Variants in APBB2 observed in about 807,000 individuals in gnomAD.
APBB2 encodes the protein amyloid beta precursor protein binding family B member 2.
Under a neutral mutation model 82.5 loss-of-function variants are expected in APBB2, and 38 were observed. That is an observed-to-expected ratio of 0.46 (90% CI 0.36 to 0.60). The LOEUF (loss-of-function observed/expected upper bound fraction) is 0.60. APBB2 is among the 20% of genes least tolerant of loss of function. The pLI, the probability that APBB2 is intolerant of heterozygous loss-of-function variation, is 0.00. For missense variants in APBB2, 772 were observed against 972.3 expected (o/e 0.79, Z 2.74); for synonymous variants, 341 against 368.2 (o/e 0.93, Z 0.85).
chr4:41,166,991 T>C (rs1766845535), intron 1 of APBB2, among the ~76,000 whole-genome samples: 1 of 152,248 alleles, frequency 6.6e-6, no homozygotes, highest in African/African-American at 2.4e-5. Flanking sequence ...CCCACACTTC[T>C]GTCTTGGCTA....
intron 6 of APBB2, among the ~76,000 whole-genome samples, chr4:40,969,452 G>A (rs1276358827): frequency 6.6e-6 from 1 of 152,158 alleles, no homozygotes; most frequent in Admixed American, 6.5e-5. Context: ...AAATCCATAT[G>A]TTTTCAGATT....
At chr4:40,926,773 C>T (rs571384506) in intron 10 of APBB2, among the ~76,000 whole-genome samples, 1 of 152,324 alleles carries the variant, frequency 6.6e-6, no homozygotes, top group South Asian at 2.1e-4. Flanking sequence ...ACTTTCCTGG[C>T]CTTTGGAATC....
intron 3 of APBB2, among the ~76,000 whole-genome samples, chr4:41,080,037 T>A (rs1166378322): frequency 6.6e-6 from 1 of 152,160 alleles, no homozygotes; most frequent in East Asian, 1.9e-4. Flanking sequence ...GAGTAGTGGG[T>A]GAGGAAGAAC....
At chr4:41,151,633 A>C (rs62409967) in intron 1 of APBB2, among the ~76,000 whole-genome samples, 2 of 151,660 alleles carry the variant, frequency 1.3e-5, no homozygotes, top group Non-Finnish European at 2.9e-5. Context: ...GCTTTTTTTG[A>C]CATACAATCA....
chr4:40,932,925 G>A (rs13150406), intron 10 of APBB2, among the ~76,000 whole-genome samples: 38,725 of 152,118 alleles, frequency 0.25, 5,836 homozygotes, highest in East Asian at 0.52. Context: ...GTGCAGTGGC[G>A]CGATCTCAGC....
chr4:40,982,984 A>G (rs1023387852), intron 6 of APBB2, among the ~76,000 whole-genome samples: 1 of 152,148 alleles, frequency 6.6e-6, no homozygotes, highest in Admixed American at 6.6e-5. Context: ...TGCAGGGTGA[A>G]GGTGGATAAG....
At chr4:40,870,334 G>A (rs1765138794) in intron 12 of APBB2, among the ~76,000 whole-genome samples, 1 of 152,074 alleles carries the variant, frequency 6.6e-6, no homozygotes, top group African/African-American at 2.4e-5. Context: ...TGCTCACCAG[G>A]GGACAGGGAC....
intron 4 of APBB2, among the ~76,000 whole-genome samples, chr4:41,034,197 A>G (rs1718207798): frequency 2.0e-5 from 3 of 152,152 alleles, no homozygotes; most frequent in African/African-American, 7.2e-5. Context: ...TCAAAAGACC[A>G]GTAACCACCT....
chr4:40,942,048 G>C (rs895369682), intron 7 of APBB2, among the ~76,000 whole-genome samples: 1 of 152,164 alleles, frequency 6.6e-6, no homozygotes, highest in Non-Finnish European at 1.5e-5. Context: ...GCACATCAGC[G>C]TATGTGGCAG....
chr4:41,102,686 G>A (rs1214252338), intron 2 of APBB2, among the ~76,000 whole-genome samples: 3 of 152,094 alleles, frequency 2.0e-5, no homozygotes, highest in Non-Finnish European at 4.4e-5. Flanking sequence ...CTGGTATCCC[G>A]ACTCCATCTG....
At chr4:41,029,675 C>T (rs1478275887) in intron 5 of APBB2, among the ~76,000 whole-genome samples, 3 of 151,586 alleles carry the variant, frequency 2.0e-5, no homozygotes, top group African/African-American at 7.3e-5. Flanking sequence ...ATGTTGTACA[C>T]AATAAACATA....
chr4:41,038,882 T>C (rs1720288861), intron 4 of APBB2, among the ~76,000 whole-genome samples: 1 of 152,214 alleles, frequency 6.6e-6, no homozygotes. Flanking sequence ...TAAACAGGTA[T>C]CAGATGCTCA....
intron 1 of APBB2, among the ~76,000 whole-genome samples, chr4:41,156,895 C>A (rs192851701): frequency 6.6e-6 from 1 of 151,928 alleles, no homozygotes; most frequent in South Asian, 2.1e-4. Context: ...GGAAAACCCC[C>A]GTCTCTACTA....
At chr4:41,008,001 G>A (rs918726560) in intron 6 of APBB2, among the ~76,000 whole-genome samples, 5 of 152,208 alleles carry the variant, frequency 3.3e-5, no homozygotes, top group African/African-American at 9.6e-5. Flanking sequence ...GTCTAGAAAG[G>A]TTTCATAGTG....
intron 6 of APBB2, among the ~76,000 whole-genome samples, chr4:40,987,941 A>G (rs891351130): frequency 1.3e-5 from 2 of 152,208 alleles, no homozygotes; most frequent in Non-Finnish European, 2.9e-5. Flanking sequence ...ACCATATTAA[A>G]ATGAGATTTT....
At chr4:41,118,488 C>G (rs1356753039) in intron 2 of APBB2, among the ~76,000 whole-genome samples, 2 of 151,958 alleles carry the variant, frequency 1.3e-5, no homozygotes, top group Non-Finnish European at 2.9e-5. Flanking sequence ...GTCAAATACC[C>G]GAATGCTGTT....
intron 12 of APBB2, among the ~76,000 whole-genome samples, chr4:40,876,208 T>G (rs1202800447): frequency 6.6e-6 from 1 of 152,236 alleles, no homozygotes; most frequent in Non-Finnish European, 1.5e-5. Context: ...GCAACCTTAT[T>G]GAGTATAATT....
chr4:40,851,736 ATATTTTTTTTT>A lies in APBB2; in HGVS notation c.1530-21170_1530-21160del, dbSNP rs1412545472. Among the ~76,000 whole-genome samples the A allele has an allele frequency of 7.0e-3, 576 of 82,828 alleles. 4 individuals carry two copies. Among genetic ancestry groups the A allele is most frequent in the African/African-American group, 0.018 (346 of 18,738 alleles). 54.3% of individuals were successfully genotyped at this position (82,828 alleles called of 152,430 possible). On this transcript the variant is annotated intron_variant, in intron 12 of 17. Transcript: ENST00000508593. ...TCTATGCATATATATATATATATAT[ATATTTTTTTTT>A]TTTTTTTTTTTCAAAACCAAACCAA...
chr4:40,846,716 G>C (rs1313319405), intron 12 of APBB2, among the ~76,000 whole-genome samples: 1 of 152,184 alleles, frequency 6.6e-6, no homozygotes, highest in Non-Finnish European at 1.5e-5. Context: ...AGGAGTTAAA[G>C]TGGTTGAGGT....
Sources: gnomAD v4.1 joint callset for allele counts (sites outside exome capture counted in the v4.1 genomes callset) on GRCh38, gnomAD v4.1.1 for gene constraint, MANE v1.5 for transcripts, NCBI Gene and HGNC (gene_info 2026-07-23, HGNC 2026-07-21) for gene names.